Variants in MEF2C observed in about 807,000 individuals in gnomAD.
The protein encoded by MEF2C is myocyte-specific enhancer factor 2C.
A neutral mutation model predicts 50.5 loss-of-function variants in MEF2C; 6 were observed. The ratio of observed to expected loss-of-function variants is 0.12; its 90% CI spans 0.07 to 0.23. The LOEUF (loss-of-function observed/expected upper bound fraction) is 0.23, where lower values mean the gene tolerates loss of function less well. Ranked by LOEUF, MEF2C falls within the 10% of genes least tolerant of loss-of-function variation. The pLI is 1.00. For synonymous variants in MEF2C, 183 were observed against 228.0 expected, an observed-to-expected ratio of 0.80 and a Z score of 1.78; for missense variants, 276 against 605.0, an observed-to-expected ratio of 0.46 and a Z score of 5.70.
intron 1 of MEF2C, among the ~76,000 whole-genome samples, chr5:88,876,473 A>C (rs948710753): frequency 1.3e-5 from 2 of 152,032 alleles, no homozygotes; most frequent in Admixed American, 1.3e-4. Context: ...AGTTTTCCAT[A>C]ATATGCCTTA....
At chr5:88,869,292 TATAC>T (rs1302986959) in intron 1 of MEF2C, among the ~76,000 whole-genome samples, 2,536 of 89,678 alleles carry the variant, frequency 0.028, 40 homozygotes, top group Middle Eastern at 0.055. Flanking sequence ...TATATATATA[TATAC>T]ACATATATAT....
intron 1 of MEF2C, among the ~76,000 whole-genome samples, chr5:88,898,931 T>C (rs1460050022): frequency 6.6e-6 from 1 of 152,178 alleles, no homozygotes; most frequent in African/African-American, 2.4e-5. Context: ...TTTTTAACAC[T>C]GTTTCTTGTT....
rs1169605093 is a variant in MEF2C at position 88,797,454 on chromosome 5, C to CTTTTTTTTTT, written c.258+7143_258+7144insAAAAAAAAAA. 2.0e-4 allele frequency among the ~76,000 whole-genome samples: 5 copies of CTTTTTTTTTT among 25,220 alleles called. 1 individual carries two copies. Among genetic ancestry groups the CTTTTTTTTTT allele is most frequent in the East Asian group, 9.3e-4 (1 of 1,080 alleles). 16.5% of individuals were successfully genotyped at this position (25,220 alleles called of 152,430 possible). The stretch of plus-strand genomic sequence containing the variant: ...TCACAGACTAGGATTGCAACCCTTG[C>CTTTTTTTTTT]CTTTTTTTTTTTTTTTTTTTTTTTT... On this transcript the variant is annotated intron_variant, in intron 3 of 10. Coordinates refer to ENST00000504921, the MANE Select transcript of MEF2C (RefSeq NM_002397.5).
intron 1 of MEF2C, among the ~76,000 whole-genome samples, chr5:88,826,759 A>G (rs1157006855): frequency 6.6e-6 from 1 of 152,012 alleles, no homozygotes; most frequent in Non-Finnish European, 1.5e-5. Context: ...GCCTACATGT[A>G]GTAAAATTTC....
At chr5:88,725,270 G>T (rs1389448193) in intron 10 of MEF2C, among the ~76,000 whole-genome samples, 1 of 152,044 alleles carries the variant, frequency 6.6e-6, no homozygotes, top group Non-Finnish European at 1.5e-5. Flanking sequence ...ATTTGACACT[G>T]AAAACATACA....
At chr5:88,850,529 C>G (rs1820941041) in intron 1 of MEF2C, among the ~76,000 whole-genome samples, 1 of 151,992 alleles carries the variant, frequency 6.6e-6, no homozygotes, top group Admixed American at 6.6e-5. Flanking sequence ...TGAGTGGGAA[C>G]TGCCAAAGTA....
intron 6 of MEF2C, among the ~76,000 whole-genome samples, chr5:88,746,871 G>T (rs569029042): frequency 6.6e-6 from 1 of 152,224 alleles, no homozygotes; most frequent in South Asian, 2.1e-4. Context: ...TAAAATATGG[G>T]TAACACTTTC....
chr5:88,770,064 A>C (rs1781695794), intron 3 of MEF2C: 2 of 905,016 alleles, frequency 2.2e-6, no homozygotes, highest in African/African-American at 3.6e-5. Flanking sequence ...AGGAAGGAAA[A>C]GACAAGACAG....
chr5:88,769,238 C>A (rs1051946897), intron 3 of MEF2C, among the ~76,000 whole-genome samples: 9 of 152,212 alleles, frequency 5.9e-5, no homozygotes, highest in African/African-American at 2.2e-4. Flanking sequence ...CAAAGTTCAT[C>A]ATTTTCCCCC....
rs1200389406 is a variant in MEF2C at position 88,742,132 on chromosome 5, C to T, written c.637+6938G>A. ...CTTGAAGCACCGAGTGAGAAAGTCCCTGGTAAGTAAAAAACTGATTTCCAA... is the reference window on the plus strand; with the variant it reads ...CTTGAAGCACCGAGTGAGAAAGTCCTTGGTAAGTAAAAAACTGATTTCCAA... On this transcript the variant is annotated intron_variant, in intron 6 of 10. Transcript: ENST00000504921. 3.0e-6 allele frequency: 3 copies of T among 985,236 alleles called. No homozygotes were observed. In the African/African-American group the frequency reaches 5.2e-5, roughly 17 times the overall value. 61.0% of individuals were successfully genotyped at this position (985,236 alleles called of 1,614,324 possible).
intron 1 of MEF2C, among the ~76,000 whole-genome samples, chr5:88,882,643 C>T (rs1833277417): frequency 6.6e-6 from 1 of 152,206 alleles, no homozygotes; most frequent in African/African-American, 2.4e-5. Flanking sequence ...GCTCCACACG[C>T]TCCACCATAT....
chr5:88,788,251 A>C (rs1367769170), intron 3 of MEF2C, among the ~76,000 whole-genome samples: 3 of 152,062 alleles, frequency 2.0e-5, no homozygotes, highest in Non-Finnish European at 4.4e-5. Context: ...GGAGTGCTGG[A>C]GTGCAGTGGC....
intron 3 of MEF2C, among the ~76,000 whole-genome samples, chr5:88,779,582 T>C (rs1786695419): frequency 6.8e-6 from 1 of 146,404 alleles, no homozygotes; most frequent in Non-Finnish European, 1.5e-5. Context: ...TATGTGAATA[T>C]ATGTAGGTTT....
At chr5:88,864,157 T>C (rs2153431398) in intron 1 of MEF2C, among the ~76,000 whole-genome samples, 1 of 151,472 alleles carries the variant, frequency 6.6e-6, no homozygotes, top group Admixed American at 6.6e-5. Context: ...TTTTGTTTTT[T>C]TTTTTAAGGC....
intron 1 of MEF2C, among the ~76,000 whole-genome samples, chr5:88,833,022 C>T (rs1399065505): frequency 6.6e-6 from 1 of 152,064 alleles, no homozygotes; most frequent in Non-Finnish European, 1.5e-5. Context: ...TCTTATGACT[C>T]AACCAACAGA....
At chr5:88,749,822 A>C (rs1309578393) in intron 5 of MEF2C, among the ~76,000 whole-genome samples, 1 of 152,174 alleles carries the variant, frequency 6.6e-6, no homozygotes, top group African/African-American at 2.4e-5. Context: ...CGAGGTCAGG[A>C]GATAGAGACC....
chr5:88,741,520 T>C (rs1200665965), intron 6 of MEF2C: 3 of 985,412 alleles, frequency 3.0e-6, no homozygotes, highest in East Asian at 2.3e-4. Flanking sequence ...TTTTGGTCCA[T>C]GGTTTTACGG....
At chr5:88,795,338 TCTC>T (rs1176207072) in intron 3 of MEF2C, among the ~76,000 whole-genome samples, 1 of 152,200 alleles carries the variant, frequency 6.6e-6, no homozygotes, top group African/African-American at 2.4e-5. Context: ...GGTGTGCAGT[TCTC>T]CTTGAAGAGG....
At chr5:88,893,021 G>A (rs908961866) in intron 1 of MEF2C, among the ~76,000 whole-genome samples, 1 of 152,060 alleles carries the variant, frequency 6.6e-6, no homozygotes, top group Non-Finnish European at 1.5e-5. Context: ...CTGTGTTAGG[G>A]GACTGTACCA....
Sources: gnomAD v4.1 joint callset for allele counts (sites outside exome capture counted in the v4.1 genomes callset) on GRCh38, gnomAD v4.1.1 for gene constraint, MANE v1.5 for transcripts, NCBI Gene and HGNC (gene_info 2026-07-23, HGNC 2026-07-21) for gene names.